Variants in ATXN3 observed in about 807,000 individuals in gnomAD.
The protein encoded by ATXN3 is ataxin 3.
Under a neutral mutation model 58.2 loss-of-function variants are expected in ATXN3, and 28 were observed. The observed-to-expected ratio is 0.48, with a 90% CI of 0.36 to 0.66. The LOEUF (loss-of-function observed/expected upper bound fraction) is 0.66. Among genes scored for constraint, ATXN3 ranks in the 30% least tolerant of loss-of-function variants. ATXN3 has a pLI of 0.00. For synonymous variants in ATXN3, 113 were observed against 138.5 expected (o/e 0.82, Z 1.29); for missense variants, 321 against 422.1 (o/e 0.76, Z 2.10).
rs1436616824 is a variant in ATXN3 at position 92,098,969 on chromosome 14, T to C, written c.25-2131A>G. Among the ~76,000 whole-genome samples the C allele has an allele frequency of 3.9e-5, 6 of 152,094 alleles. No individual in the cohort carries two copies. The East Asian group carries it at 1.2e-3, about 29-fold the overall frequency. ...CAAGTCCAGGGTGCCTGGTACTAAG[T>C]AGCCTGCGTGTGACCCTCCTCCCCG... On this transcript the variant is annotated intron_variant, in intron 1 of 10. Coordinates refer to ENST00000644486, the MANE Select transcript of ATXN3 (RefSeq NM_004993.6).
intron 7 of ATXN3, among the ~76,000 whole-genome samples, chr14:92,082,705 GTA>G (rs1313839967): frequency 6.7e-6 from 1 of 149,994 alleles, no homozygotes; most frequent in Non-Finnish European, 1.5e-5. Flanking sequence ...CTGGAGTGCG[GTA>G]GTGTGATTAT....
Position 92,062,450 on chromosome 14 carries a change from C to T in ATXN3, c.*1870G>A, listed in dbSNP as rs1412524304. 1.3e-5 allele frequency: 2 copies of T among 152,064 alleles called. No individual in the cohort carries two copies. The highest frequency in any genetic ancestry group is 2.9e-5 in the Non-Finnish European group (2 of 68,006). 9.4% of individuals were successfully genotyped at this position (152,064 alleles called of 1,614,324 possible). On this transcript the variant is annotated 3_prime_UTR_variant, in exon 11 of 11. Transcript: ENST00000644486. ...CAAGTGTATGAAAAGTTTAATGTAA[C>T]TTTTCAATGGAAAAAGGTAATGAAC...
downstream of ATXN3, among the ~76,000 whole-genome samples, chr14:92,054,615 G>C (rs995927744): frequency 2.0e-5 from 3 of 152,190 alleles, no homozygotes. Flanking sequence ...CCTCAGGGCT[G>C]CTCTGTCTAT....
At chr14:92,066,120 C>T (rs2058362449) in intron 10 of ATXN3, among the ~76,000 whole-genome samples, 1 of 151,788 alleles carries the variant, frequency 6.6e-6, no homozygotes. Flanking sequence ...TTCTGTTTCT[C>T]TGGGATAAAT....
intron 1 of ATXN3, among the ~76,000 whole-genome samples, chr14:92,098,583 G>C (rs1168070248): frequency 2.0e-5 from 3 of 152,044 alleles, no homozygotes; most frequent in Non-Finnish European, 2.9e-5. Flanking sequence ...GCAAGACTCT[G>C]TCTCCAAAAA....
intron 5 of ATXN3, among the ~76,000 whole-genome samples, chr14:92,090,110 C>T (rs1016105027): frequency 1.3e-5 from 2 of 152,086 alleles, no homozygotes; most frequent in African/African-American, 2.4e-5. Context: ...TCACATATAA[C>T]ATATAAACAC....
rs1157498754 is a variant in ATXN3, at chr14:92,089,332, C to CTT, written c.388-517_388-516dup. Reference sequence around the variant, plus strand: ...CTGCACCTGGCCTCTGCTAAATACTCTTTTTTTTTTTTTTTTTTTTTTTTT... The same window carrying CTT: ...CTGCACCTGGCCTCTGCTAAATACTCTTTTTTTTTTTTTTTTTTTTTTTTTTT... On this transcript the variant is annotated intron_variant, in intron 5 of 10. Coordinates refer to ENST00000644486, the MANE Select transcript of ATXN3 (RefSeq NM_004993.6). Among the ~76,000 whole-genome samples, 468 of 60,716 alleles carry CTT rather than the reference C, an allele frequency of 7.7e-3. 6 individuals carry two copies. Among genetic ancestry groups the CTT allele is most frequent in the African/African-American group, 0.025 (345 of 13,574 alleles). 39.8% of individuals were successfully genotyped at this position (60,716 alleles called of 152,430 possible). A position where few individuals can be genotyped will look rare whatever the true frequency, so the allele number is the denominator to read the frequency against.
intron 1 of ATXN3, among the ~76,000 whole-genome samples, chr14:92,101,426 C>A (rs1453116889): frequency 1.3e-5 from 2 of 152,206 alleles, no homozygotes; most frequent in African/African-American, 2.4e-5. Flanking sequence ...AAGAATTGTA[C>A]AATGACAATG....
chr14:92,064,066 AAAAAAG>A lies in ATXN3; in HGVS notation c.*248_*253del. On this transcript the variant is annotated 3_prime_UTR_variant, in exon 11 of 11. Coordinates refer to ENST00000644486, the MANE Select transcript of ATXN3 (RefSeq NM_004993.6). The stretch of plus-strand genomic sequence containing the variant: ...TAGACATGTTACATATTGCACACTC[AAAAAAG>A]AAAAAGAAACATTTAGAAAACTATT... The A allele has an allele frequency of 4.0e-6, 1 of 247,386 alleles. No homozygotes were observed. Among genetic ancestry groups the A allele is most frequent in the South Asian group, 9.7e-5 (1 of 10,266 alleles). 15.3% of individuals were successfully genotyped at this position (247,386 alleles called of 1,614,324 possible).
intron 1 of ATXN3, among the ~76,000 whole-genome samples, chr14:92,100,426 AC>A (rs1024052744): frequency 2.0e-5 from 3 of 152,154 alleles, no homozygotes; most frequent in South Asian, 2.1e-4. Context: ...TGGACCCCAA[AC>A]TGGAAACGAC....
In ATXN3 at chr14:92,062,520, A is replaced by G. The variant is rs1485450794; in HGVS notation, c.*1800T>C. 6.6e-6 allele frequency: 1 copy of G among 152,250 alleles called. No homozygotes were observed. Among genetic ancestry groups the G allele is most frequent in the Non-Finnish European group, 1.5e-5 (1 of 68,046 alleles). The allele number at this position is 152,250 out of a possible 1,614,324, so 9.4% of individuals were successfully genotyped here. A position where few individuals can be genotyped will look rare whatever the true frequency, so the allele number is the denominator to read the frequency against. ...GACAAACACACTGGTAATAATTAAC[A>G]TAAATGTTCAGTCTTAAAATATTTA... On this transcript the variant is annotated 3_prime_UTR_variant, in exon 11 of 11. Coordinates refer to ENST00000644486, the MANE Select transcript of ATXN3 (RefSeq NM_004993.6).
rs1391816053 is a variant in ATXN3 at position 92,060,954 on chromosome 14, G to C, written c.*3366C>G. On this transcript the variant is annotated 3_prime_UTR_variant, in exon 11 of 11. Transcript: ENST00000644486. ...TCACCATTTTGGCCAAGCTGGTCTC[G>C]AACTCCCGACCTCGTGATCCACCCA... 2.6e-5 allele frequency: 4 copies of C among 151,566 alleles called. No homozygotes were observed. Among genetic ancestry groups the C allele is most frequent in the Admixed American group, 2.6e-4 (4 of 15,214 alleles). The allele number at this position is 151,566 out of a possible 1,614,324, so 9.4% of individuals were successfully genotyped here.
At position 92,083,190 on chromosome 14, in the gene ATXN3, T is replaced by A. The variant is rs1315272005; in HGVS notation, c.544A>T (p.Arg182Trp). The A allele has an allele frequency of 6.2e-7, 1 of 1,613,936 alleles. No homozygotes were observed. Residue 182 changes from arginine (R) to tryptophan (W), a missense_variant, in exon 7 of 11, where the codon AGG becomes TGG. Transcript: ENST00000644486. ...TTTGGTCGATGCATCTGTTGGACCC[T>A]AATCATCTGCAGGAGTTGGTCAGCT... ...CEADQLLQMI[R>W]VQQMHRPKLI...
chr14:92,064,299 C>T lies in ATXN3; in HGVS notation c.*21G>A. 6.6e-7 allele frequency: 1 copy of T among 1,524,950 alleles called. No homozygotes were observed. Among genetic ancestry groups the T allele is most frequent in the Non-Finnish European group, 9.1e-7 (1 of 1,102,108 alleles). The allele number at this position is 1,524,950 out of a possible 1,614,324, so 94.5% of individuals were successfully genotyped here. A position where few individuals can be genotyped will look rare whatever the true frequency, so the allele number is the denominator to read the frequency against. ...GGATAATGTTGGAAAGTATGAATAT[C>T]TAAATTATTTTTTAAAGGTATTATT... On this transcript the variant is annotated 3_prime_UTR_variant, in exon 11 of 11. Coordinates refer to ENST00000644486, the MANE Select transcript of ATXN3 (RefSeq NM_004993.6).
At chr14:92,103,810 G>A (rs1404165166) in intron 1 of ATXN3, among the ~76,000 whole-genome samples, 1 of 152,186 alleles carries the variant, frequency 6.6e-6, no homozygotes, top group East Asian at 1.9e-4. Context: ...CCCTTCGTAG[G>A]CAGATATTGC....
intron 5 of ATXN3, among the ~76,000 whole-genome samples, chr14:92,092,582 T>A (rs1242889158): frequency 1.3e-5 from 2 of 152,182 alleles, no homozygotes; most frequent in Admixed American, 1.3e-4. Flanking sequence ...TACAAATCTA[T>A]AAATGTAATA....
chr14:92,067,059 C>T (rs773121195), intron 10 of ATXN3, among the ~76,000 whole-genome samples: 12 of 152,098 alleles, frequency 7.9e-5, no homozygotes, highest in East Asian at 5.8e-4. Context: ...TGTGTGCCAC[C>T]GTGCCCAGCC....
At chr14:92,058,168 C>A (rs745477026), downstream of ATXN3, among the ~76,000 whole-genome samples, 1 of 152,182 alleles carries the variant, frequency 6.6e-6, no homozygotes, top group Non-Finnish European at 1.5e-5. Flanking sequence ...TATTCATATT[C>A]ATCACTGCAG....
chr14:92,089,424 C>T (rs1294707456), intron 5 of ATXN3, among the ~76,000 whole-genome samples: 2 of 148,156 alleles, frequency 1.3e-5, no homozygotes, highest in Non-Finnish European at 3.0e-5. Flanking sequence ...CTGCAAGCTC[C>T]GCCTCCCGGG....
Sources: gnomAD v4.1 joint callset for allele counts (sites outside exome capture counted in the v4.1 genomes callset) on GRCh38, gnomAD v4.1.1 for gene constraint, MANE v1.5 for transcripts, NCBI Gene and HGNC (gene_info 2026-07-23, HGNC 2026-07-21) for gene names.